The following GRIK4 variants were observed in gnomAD, a reference collection of about 807,000 sequenced individuals.
GRIK4 encodes glutamate receptor ionotropic, kainate 4.
A neutral mutation model predicts 104.9 loss-of-function variants in GRIK4; 40 were observed. That is an observed-to-expected ratio of 0.38 (90% CI 0.30 to 0.50). GRIK4 has a LOEUF of 0.50. Among genes scored for constraint, GRIK4 ranks in the 20% least tolerant of loss-of-function variants. The pLI, the probability that GRIK4 is intolerant of heterozygous loss-of-function variation, is 0.93. For missense variants in GRIK4, 1,047 were observed against 1,308.1 expected (o/e 0.80, Z 3.08); for synonymous variants, 485 against 524.9 (o/e 0.92, Z 1.04).
At chr11:120,924,737 G>A (rs1453741063) in intron 13 of GRIK4, among the ~76,000 whole-genome samples, 1 of 152,188 alleles carries the variant, frequency 6.6e-6, no homozygotes, top group Non-Finnish European at 1.5e-5. Context: ...AGAACGATCT[G>A]TGAAAAAACA....
At chr11:120,529,303 G>T (rs986079163) in intron 1 of GRIK4, among the ~76,000 whole-genome samples, 10 of 152,156 alleles carry the variant, frequency 6.6e-5, no homozygotes, top group African/African-American at 2.4e-4. Context: ...CTTACAGGAG[G>T]ATCTTGCCAA....
chr11:120,647,234 G>A (rs1034143937), intron 1 of GRIK4, among the ~76,000 whole-genome samples: 3 of 152,166 alleles, frequency 2.0e-5, no homozygotes, highest in Non-Finnish European at 4.4e-5. Context: ...CAGTTTGTGG[G>A]AAAATGTCTG....
intron 1 of GRIK4, among the ~76,000 whole-genome samples, chr11:120,643,898 CAG>C (rs1214387389): frequency 6.6e-6 from 1 of 152,094 alleles, no homozygotes; most frequent in Admixed American, 6.5e-5. Flanking sequence ...TTTCAGAAAA[CAG>C]AGTATAATAG....
Position 120,660,333 on chromosome 11 carries a change from G to A in GRIK4, c.15G>A (p.Ser5=), listed in dbSNP as rs111487154. Residue 5 remains serine (S), a synonymous_variant, in exon 3 of 21, where the codon TCG becomes TCA. Coordinates refer to ENST00000527524, the MANE Select transcript of GRIK4 (RefSeq NM_014619.5). Reference sequence around the variant, plus strand: ...ATTCATAGAAGATGCCCCGCGTCTCGGCGCCTTTGGTGCTGCTTCCTGCGT... The same window carrying A: ...ATTCATAGAAGATGCCCCGCGTCTCAGCGCCTTTGGTGCTGCTTCCTGCGT... MPRV[S]APLVLLPAWL... is the part of the protein sequence containing the mutation. The A allele has an allele frequency of 1.4e-5, 22 of 1,613,150 alleles. No individual in the cohort carries two copies. In the African/African-American group the frequency reaches 1.6e-4, roughly 12 times the overall value.
At position 120,939,143 on chromosome 11, in the gene GRIK4, C is replaced by G. The variant is rs953983079; in HGVS notation, c.1477-1204C>G. On this transcript the variant is annotated intron_variant, in intron 13 of 20. Coordinates refer to ENST00000527524, the MANE Select transcript of GRIK4 (RefSeq NM_014619.5). The surrounding 1 kb of genome is among the most constrained non-coding windows in gnomAD (Gnocchi z 5.6). ...CCAGTTCTGGGCTTTTCCCACTGCCCCATGTGTAGGAGAGTAGACTAATAG... is the reference window on the plus strand; with the variant it reads ...CCAGTTCTGGGCTTTTCCCACTGCCGCATGTGTAGGAGAGTAGACTAATAG... 1.3e-5 allele frequency among the ~76,000 whole-genome samples: 2 copies of G among 151,836 alleles called. No individual in the cohort carries two copies. Among genetic ancestry groups the G allele is most frequent in the Non-Finnish European group, 2.9e-5 (2 of 67,964 alleles).
chr11:120,761,737 T>C (rs1951751905), intron 3 of GRIK4, among the ~76,000 whole-genome samples: 1 of 152,208 alleles, frequency 6.6e-6, no homozygotes, highest in Non-Finnish European at 1.5e-5. Flanking sequence ...TTTGTCAGGT[T>C]TGTCAAAGAT....
intron 2 of GRIK4, 28 bp from the exon 3 acceptor site, chr11:120,660,241 C>T (rs1949788326): frequency 5.9e-6 from 6 of 1,014,682 alleles, no homozygotes; most frequent in Non-Finnish European, 9.2e-6. Context: ...GCCTGGGACT[C>T]ACGTGCCCCC....
At chr11:120,520,375 G>A (rs960042577) in intron 1 of GRIK4, among the ~76,000 whole-genome samples, 5 of 152,190 alleles carry the variant, frequency 3.3e-5, no homozygotes, top group South Asian at 2.1e-4. Flanking sequence ...TGATTTCTTC[G>A]ATCCCTGAGT....
Position 120,660,249 on chromosome 11 carries a change from C to G in GRIK4, c.-50-20C>G, listed in dbSNP as rs1465146706. On this transcript the variant is annotated intron_variant, in intron 2 of 20. Transcript: ENST00000527524. ...AGCTGGAGCCTGGGACTCACGTGCCCCCAACCCCCTCTCTCGCAGAGTTAT... is the reference window on the plus strand; with the variant it reads ...AGCTGGAGCCTGGGACTCACGTGCCGCCAACCCCCTCTCTCGCAGAGTTAT... 6.9e-6 allele frequency: 8 copies of G among 1,158,740 alleles called. No individual in the cohort carries two copies. Among genetic ancestry groups the G allele is most frequent in the African/African-American group, 1.5e-5 (1 of 66,344 alleles). 71.8% of individuals were successfully genotyped at this position (1,158,740 alleles called of 1,614,324 possible).
intron 14 of GRIK4, among the ~76,000 whole-genome samples, chr11:120,944,283 C>T (rs553336817): frequency 6.8e-6 from 1 of 147,050 alleles, no homozygotes; most frequent in Non-Finnish European, 1.5e-5. Flanking sequence ...TATTCTTATT[C>T]TACCAACTCT....
intron 3 of GRIK4, among the ~76,000 whole-genome samples, chr11:120,784,938 G>A (rs1292493217): frequency 6.6e-6 from 1 of 152,162 alleles, no homozygotes; most frequent in Non-Finnish European, 1.5e-5. Flanking sequence ...GTAAATGCAA[G>A]TCAAATTGAA....
At position 120,532,568 on chromosome 11, in the gene GRIK4, A is replaced by G. The variant is rs139007539; in HGVS notation, c.-159+20681A>G. Among the ~76,000 whole-genome samples the G allele has an allele frequency of 4.1e-3, 627 of 152,194 alleles. 4 individuals are homozygous for G. Among genetic ancestry groups the G allele is most frequent in the African/African-American group, 0.014 (588 of 41,488 alleles). On this transcript the variant is annotated intron_variant, in intron 1 of 20. Transcript: ENST00000527524. ...CTCTGAGCCGGCTGGCTGCTTAAAT[A>G]GTTTGCTCGCTTTGCCTTGTTTTTC...
chr11:120,552,597 G>A (rs1948150256), intron 1 of GRIK4, among the ~76,000 whole-genome samples: 4 of 152,212 alleles, frequency 2.6e-5, no homozygotes, highest in Non-Finnish European at 1.5e-5. Flanking sequence ...AATGCAAGGA[G>A]TCAAACTGGC....
At chr11:120,755,462 A>G (rs1156639377) in intron 3 of GRIK4, among the ~76,000 whole-genome samples, 1 of 152,022 alleles carries the variant, frequency 6.6e-6, no homozygotes, top group Non-Finnish European at 1.5e-5. Context: ...GAAGAAAAAT[A>G]AAATAGCCAG....
chr11:120,701,276 C>T (rs977931274), intron 3 of GRIK4, among the ~76,000 whole-genome samples: 2 of 152,154 alleles, frequency 1.3e-5, no homozygotes, highest in Non-Finnish European at 2.9e-5. Context: ...CTCTCCAATT[C>T]CTACCCCTCT....
At chr11:120,802,573 G>A (rs1478361745) in intron 3 of GRIK4, 120 bp from the exon 4 acceptor site, 2 of 827,884 alleles carry the variant, frequency 2.4e-6, no homozygotes, top group Non-Finnish European at 4.1e-6. Flanking sequence ...ATGGCAGGAT[G>A]GAGAGGAACT....
At chr11:120,711,689 T>G (rs979921749) in intron 3 of GRIK4, among the ~76,000 whole-genome samples, 1 of 152,194 alleles carries the variant, frequency 6.6e-6, no homozygotes, top group Non-Finnish European at 1.5e-5. Context: ...AGAAAAGAAC[T>G]TCCCAAAATG....
intron 11 of GRIK4, among the ~76,000 whole-genome samples, chr11:120,882,322 A>G (rs1462128904): frequency 6.6e-6 from 1 of 152,198 alleles, no homozygotes. Flanking sequence ...AATTTACCAT[A>G]AATATGCAGA....
At chr11:120,954,015 G>C (rs2134697240) in intron 15 of GRIK4, among the ~76,000 whole-genome samples, 1 of 152,302 alleles carries the variant, frequency 6.6e-6, no homozygotes. Flanking sequence ...CAGTGTTAGA[G>C]TGCACATCCC....
Sources: gnomAD v4.1 joint callset for allele counts (sites outside exome capture counted in the v4.1 genomes callset) on GRCh38, gnomAD v4.1.1 for gene constraint, Gnocchi (gnomAD v3.1) non-coding constraint, MANE v1.5 for transcripts, NCBI Gene and HGNC (gene_info 2026-07-23, HGNC 2026-07-21) for gene names.